CNTN4: variants seen among roughly 807,000 people sequenced by gnomAD.
CNTN4 encodes the protein contactin-4.
In CNTN4, 77 loss-of-function variants were observed where a neutral mutation model predicts 122.5. The observed-to-expected ratio is 0.63, with a 90% CI of 0.52 to 0.76. The LOEUF is 0.76. Among genes scored for constraint, CNTN4 ranks in the 30% least tolerant of loss-of-function variants. CNTN4 has a pLI of 0.00. For missense variants in CNTN4, 1,256 were observed against 1,259.1 expected, an observed-to-expected ratio of 1.00 and a Z score of 0.04; for synonymous variants, 512 against 447.0, an observed-to-expected ratio of 1.15 and a Z score of -1.83.
chr3:2,797,715 T>G (rs543988264), intron 6 of CNTN4, among the ~76,000 whole-genome samples: 3 of 152,178 alleles, frequency 2.0e-5, no homozygotes, highest in African/African-American at 7.2e-5. Flanking sequence ...TCTCCAAGAG[T>G]TCAATATAGT....
chr3:2,175,484 A>G (rs1398932996), intron 2 of CNTN4, among the ~76,000 whole-genome samples: 1 of 152,238 alleles, frequency 6.6e-6, no homozygotes, highest in Non-Finnish European at 1.5e-5. Flanking sequence ...ATATTTGTGT[A>G]GAAATTTTAT....
intron 10 of CNTN4, among the ~76,000 whole-genome samples, chr3:2,887,883 C>T (rs751402400): frequency 1.3e-5 from 2 of 152,118 alleles, no homozygotes; most frequent in African/African-American, 2.4e-5. Context: ...TTTGAAATCT[C>T]GAAAAGGATT....
chr3:2,339,527 G>C (rs2044099562), intron 3 of CNTN4, among the ~76,000 whole-genome samples: 1 of 152,138 alleles, frequency 6.6e-6, no homozygotes. Context: ...ATCATAGAAA[G>C]TGTATATTGG....
chr3:2,353,388 C>G (rs2044724585), intron 3 of CNTN4, among the ~76,000 whole-genome samples: 1 of 152,090 alleles, frequency 6.6e-6, no homozygotes, highest in Non-Finnish European at 1.5e-5. Context: ...CTGCCCGATC[C>G]CTGCAGTGGC....
chr3:2,179,707 G>A (rs1362349028), intron 2 of CNTN4, among the ~76,000 whole-genome samples: 1 of 151,508 alleles, frequency 6.6e-6, no homozygotes, highest in Non-Finnish European at 1.5e-5. Context: ...TGATCTACAG[G>A]TATAATTCCA....
intron 3 of CNTN4, among the ~76,000 whole-genome samples, chr3:2,412,352 A>C: frequency 6.6e-6 from 1 of 151,962 alleles, no homozygotes; most frequent in East Asian, 1.9e-4. Flanking sequence ...CCCGGGTTCA[A>C]GTGATTCTCC....
chr3:2,474,859 T>C (rs1435491440), intron 3 of CNTN4, among the ~76,000 whole-genome samples: 1 of 152,182 alleles, frequency 6.6e-6, no homozygotes, highest in Non-Finnish European at 1.5e-5. Context: ...GTATCCAACA[T>C]AGTATAATTA....
At chr3:2,191,644 T>C (rs2037551654) in intron 2 of CNTN4, among the ~76,000 whole-genome samples, 1 of 151,930 alleles carries the variant, frequency 6.6e-6, no homozygotes, top group Non-Finnish European at 1.5e-5. Context: ...CCCAACTGCC[T>C]ACAACTGAAC....
chr3:2,467,750 C>A (rs764685323), intron 3 of CNTN4, among the ~76,000 whole-genome samples: 2 of 152,102 alleles, frequency 1.3e-5, no homozygotes, highest in African/African-American at 4.8e-5. Context: ...AGATAATAAT[C>A]TTTTAAAATC....
intron 6 of CNTN4, among the ~76,000 whole-genome samples, chr3:2,805,997 G>A (rs1383119630): frequency 6.6e-6 from 1 of 152,098 alleles, no homozygotes; most frequent in Non-Finnish European, 1.5e-5. Flanking sequence ...CATCTCCCGG[G>A]TTCACGCCAT....
chr3:2,691,325 G>A (rs2085728056), intron 4 of CNTN4, among the ~76,000 whole-genome samples: 1 of 152,140 alleles, frequency 6.6e-6, no homozygotes, highest in Admixed American at 6.6e-5. Context: ...CTACAGTGGT[G>A]TAATAACAAA....
At chr3:2,610,575 CTTTGTGTAT>C (rs536308293) in intron 4 of CNTN4, among the ~76,000 whole-genome samples, 1 of 152,250 alleles carries the variant, frequency 6.6e-6, no homozygotes, top group East Asian at 1.9e-4. Context: ...ATACTTTACA[CTTTGTGTAT>C]TTTGCCATTA....
chr3:2,273,368 T>C (rs1330512274), intron 2 of CNTN4, among the ~76,000 whole-genome samples: 1 of 152,208 alleles, frequency 6.6e-6, no homozygotes, highest in Non-Finnish European at 1.5e-5. Context: ...AGTGAAATGA[T>C]AAAAGGCCCA....
At chr3:2,633,776 T>C (rs1053394601) in intron 4 of CNTN4, among the ~76,000 whole-genome samples, 1 of 152,218 alleles carries the variant, frequency 6.6e-6, no homozygotes, top group Non-Finnish European at 1.5e-5. Flanking sequence ...GTCTTTGCTC[T>C]TGACCTCAAA....
At chr3:2,980,868 T>TG (rs1162529270) in intron 13 of CNTN4, among the ~76,000 whole-genome samples, 2 of 152,102 alleles carry the variant, frequency 1.3e-5, no homozygotes. Context: ...ACATAACTCG[T>TG]GGGGAAGCTG....
chr3:2,592,278 A>G (rs760826865), intron 4 of CNTN4, among the ~76,000 whole-genome samples: 4 of 152,228 alleles, frequency 2.6e-5, no homozygotes, highest in Non-Finnish European at 2.9e-5. Flanking sequence ...ACATATGAAT[A>G]TCTTCGAGAC....
chr3:2,233,636 C>T (rs911212825), intron 2 of CNTN4, among the ~76,000 whole-genome samples: 6 of 152,096 alleles, frequency 3.9e-5, no homozygotes, highest in African/African-American at 9.7e-5. Flanking sequence ...GTGCTAATTT[C>T]AGTGTCCACC....
chr3:2,786,086 G>C (rs893393749), intron 6 of CNTN4, among the ~76,000 whole-genome samples: 1 of 151,940 alleles, frequency 6.6e-6, no homozygotes, highest in Non-Finnish European at 1.5e-5. Context: ...CGAACTCCAG[G>C]GGAAGACAAC....
rs146943218 is a variant in CNTN4 at position 2,335,434 on chromosome 3, G to C, written c.-144-3744G>C. 2.3e-3 allele frequency among the ~76,000 whole-genome samples: 345 copies of C among 152,196 alleles called. 2 individuals carry two copies. The highest frequency in any genetic ancestry group is 7.8e-3 in the African/African-American group (322 of 41,530). ...TACATTAGGCTCATTTTATTCGAAA[G>C]GAAGCTGAGCTTAAAGAAGGTGGGT... On this transcript the variant is annotated intron_variant, in intron 2 of 24. Transcript: ENST00000418658.
Sources: allele counts gnomAD v4.1 joint callset (sites outside exome capture counted in the v4.1 genomes callset), GRCh38; gene constraint gnomAD v4.1.1; transcripts MANE v1.5; gene names NCBI Gene and HGNC (gene_info 2026-07-23, HGNC 2026-07-21).